SAMMSON: variants seen among roughly 807,000 people sequenced by gnomAD.
SAMMSON encodes survival associated mitochondrial melanoma specific oncogenic non-coding RNA.
chr3:70,345,308 G>A (rs1179318906), intron 7 of SAMMSON, among the ~76,000 whole-genome samples: 1 of 152,146 alleles, frequency 6.6e-6, no homozygotes, highest in Non-Finnish European at 1.5e-5. Flanking sequence ...TTTATCAAGT[G>A]GAGTCTGTTC....
intron 4 of SAMMSON, among the ~76,000 whole-genome samples, chr3:70,235,340 C>G (rs1701597295): frequency 6.6e-6 from 1 of 152,166 alleles, no homozygotes; most frequent in African/African-American, 2.4e-5. Context: ...TCTTCAAATT[C>G]CTCTGGGTAG....
intron 1 of SAMMSON, among the ~76,000 whole-genome samples, chr3:70,011,055 G>A (rs182944100): frequency 2.0e-4 from 30 of 152,212 alleles, no homozygotes; most frequent in Non-Finnish European, 3.2e-4. Flanking sequence ...TATATCAGCC[G>A]TATACTGCCC....
intron 9 of SAMMSON, among the ~76,000 whole-genome samples, chr3:70,372,278 GTTTTA>G (rs1031002123): frequency 6.6e-6 from 1 of 151,484 alleles, no homozygotes; most frequent in Admixed American, 6.6e-5. Context: ...AGATGGTTTT[GTTTTA>G]TTTTATTTCA....
intron 4 of SAMMSON, among the ~76,000 whole-genome samples, chr3:70,113,235 C>T (rs1222886495): frequency 6.6e-6 from 1 of 152,134 alleles, no homozygotes; most frequent in African/African-American, 2.4e-5. Context: ...GACATGAAAG[C>T]ATTAATTTGT....
rs928465556 is a variant in SAMMSON at position 70,187,427 on chromosome 3, C to CTT, written n.508-61653_508-61652dup. Among the ~76,000 whole-genome samples the CTT allele has an allele frequency of 8.5e-3, 624 of 73,164 alleles. 117 individuals are homozygous for CTT. Among genetic ancestry groups the CTT allele is most frequent in the African/African-American group, 0.026 (394 of 15,432 alleles). 48.0% of individuals were successfully genotyped at this position (73,164 alleles called of 152,430 possible). On this transcript the variant is annotated intron_variant and non_coding_transcript_variant, in intron 4 of 9. Coordinates refer to ENST00000642114, the Ensembl canonical transcript of SAMMSON. ...GCATGAGACAGCTCTGGGACCAACT[C>CTT]TTTTTTTTTTTTTTTTTTTTTTTTT...
Position 70,303,829 on chromosome 3 carries a change from G to A in SAMMSON, n.739+12586G>A, listed in dbSNP as rs182900487. ...CCTGAGTAGCTGGAATTACAGGCAT[G>A]TGCCACCATGCCTGTGTAATTTTTT... On this transcript the variant is annotated intron_variant and non_coding_transcript_variant, in intron 7 of 9. Transcript: ENST00000642114. Among the ~76,000 whole-genome samples the A allele has an allele frequency of 3.2e-4, 48 of 152,152 alleles. No homozygotes were observed. The East Asian group carries it at 8.3e-3, about 26-fold the overall frequency.
chr3:70,021,718 G>T (rs2067013959), intron 3 of SAMMSON, among the ~76,000 whole-genome samples: 1 of 151,976 alleles, frequency 6.6e-6, no homozygotes. Flanking sequence ...ATTATTTTGG[G>T]ATTGTTTTCA....
chr3:70,349,052 G>A (rs1302996487), intron 7 of SAMMSON, among the ~76,000 whole-genome samples: 2 of 152,068 alleles, frequency 1.3e-5, no homozygotes, highest in African/African-American at 4.8e-5. Context: ...CTTCTTCACA[G>A]GTCATGCACA....
At chr3:70,166,203 G>T (rs755161145) in intron 4 of SAMMSON, among the ~76,000 whole-genome samples, 1 of 151,946 alleles carries the variant, frequency 6.6e-6, no homozygotes, top group Non-Finnish European at 1.5e-5. Flanking sequence ...ATATTAGGCA[G>T]GTCACTTAAC....
intron 1 of SAMMSON, among the ~76,000 whole-genome samples, chr3:70,000,104 A>C (rs987230240): frequency 6.6e-6 from 1 of 152,226 alleles, no homozygotes; most frequent in African/African-American, 2.4e-5. Flanking sequence ...CAATTGAGCT[A>C]ACACAAGCTG....
intron 4 of SAMMSON, chr3:70,204,500 C>A (rs1158017668): frequency 6.6e-6 from 1 of 152,152 alleles, no homozygotes; most frequent in African/African-American, 2.4e-5. Context: ...AAAGCTCTTA[C>A]TTCACCGGGG....
chr3:70,021,717 G>A (rs2067013952), intron 3 of SAMMSON, among the ~76,000 whole-genome samples: 1 of 151,786 alleles, frequency 6.6e-6, no homozygotes, highest in Non-Finnish European at 1.5e-5. Context: ...TATTATTTTG[G>A]GATTGTTTTC....
intron 4 of SAMMSON, among the ~76,000 whole-genome samples, chr3:70,215,439 G>T (rs1032160502): frequency 1.3e-5 from 2 of 152,026 alleles, no homozygotes; most frequent in East Asian, 1.9e-4. Flanking sequence ...TGATCCTGCT[G>T]GTATTTGATT....
intron 4 of SAMMSON, among the ~76,000 whole-genome samples, chr3:70,113,800 G>A (rs528221167): frequency 6.6e-6 from 1 of 152,158 alleles, no homozygotes; most frequent in Admixed American, 6.5e-5. Context: ...GGTCTTGCGG[G>A]TGGGACCCCC....
At chr3:70,100,469 C>G (rs573995209) in intron 4 of SAMMSON, among the ~76,000 whole-genome samples, 2 of 149,720 alleles carry the variant, frequency 1.3e-5, no homozygotes, top group East Asian at 4.0e-4. Context: ...TTCAAACCAG[C>G]AGCATTTTTA....
At chr3:70,149,154 GTTTA>G (rs2067561577) in intron 4 of SAMMSON, among the ~76,000 whole-genome samples, 1 of 152,050 alleles carries the variant, frequency 6.6e-6, no homozygotes, top group South Asian at 2.1e-4. Context: ...GTGACTCCCA[GTTTA>G]TTTATTTTTA....
intron 2 of SAMMSON, among the ~76,000 whole-genome samples, chr3:70,417,321 A>G (rs1376387147): frequency 6.6e-6 from 1 of 152,190 alleles, no homozygotes; most frequent in African/African-American, 2.4e-5. Context: ...AGAGCCATAG[A>G]CAGAACAAGA....
chr3:70,124,814 CAAAAAAAA>C lies in SAMMSON; in HGVS notation n.507+53267_507+53274del, dbSNP rs1208323683. On this transcript the variant is annotated intron_variant and non_coding_transcript_variant, in intron 4 of 9. Coordinates refer to ENST00000642114, the Ensembl canonical transcript of SAMMSON. The stretch of plus-strand genomic sequence containing the variant: ...CAGGCAACAGAGCGAGACTCCATCT[CAAAAAAAA>C]AAAAAAAAAAAAAAAAAGAAAGAAA... Among the ~76,000 whole-genome samples, 17 of 53,700 alleles carry C rather than the reference CAAAAAAAA, an allele frequency of 3.2e-4. No individual in the cohort carries two copies. In the East Asian group the frequency reaches 5.2e-3, roughly 16 times the overall value. 35.2% of individuals were successfully genotyped at this position (53,700 alleles called of 152,430 possible).
intron 9 of SAMMSON, among the ~76,000 whole-genome samples, chr3:70,382,353 C>G (rs1408087702): frequency 6.6e-6 from 1 of 152,070 alleles, no homozygotes; most frequent in Non-Finnish European, 1.5e-5. Context: ...CCCTTCCTAA[C>G]TCAAGAAACT....
Sources: gnomAD v4.1 joint callset for allele counts (sites outside exome capture counted in the v4.1 genomes callset) on GRCh38, gnomAD v4.1.1 for gene constraint, MANE v1.5 for transcripts, NCBI Gene and HGNC (gene_info 2026-07-23, HGNC 2026-07-21) for gene names.